The following DOCK4 variants were observed in gnomAD, a reference collection of about 807,000 sequenced individuals.
DOCK4 encodes dedicator of cytokinesis protein 4.
In DOCK4, 97 loss-of-function variants were observed where a neutral mutation model predicts 268.1. That is an observed-to-expected ratio of 0.36 (90% CI 0.31 to 0.43). DOCK4 has a LOEUF of 0.43. Ranked by LOEUF, DOCK4 falls within the 20% of genes least tolerant of loss-of-function variation. The pLI is 1.00. For synonymous variants in DOCK4, 954 were observed against 887.2 expected, an observed-to-expected ratio of 1.08 and a Z score of -1.34; for missense variants, 2,145 against 2,455.7, an observed-to-expected ratio of 0.87 and a Z score of 2.67.
intron 1 of DOCK4, among the ~76,000 whole-genome samples, chr7:112,187,566 A>G (rs2116755724): frequency 6.6e-6 from 1 of 152,272 alleles, no homozygotes; most frequent in Admixed American, 6.5e-5. Context: ...ACTATAACCA[A>G]ACCCAAAAAA....
At chr7:112,147,414 T>A (rs1303476238) in intron 1 of DOCK4, among the ~76,000 whole-genome samples, 1 of 152,218 alleles carries the variant, frequency 6.6e-6, no homozygotes, top group Non-Finnish European at 1.5e-5. Flanking sequence ...AGTGCATGTC[T>A]ACCACCTTTA....
intron 8 of DOCK4, among the ~76,000 whole-genome samples, chr7:111,974,577 G>A (rs1798021997): frequency 1.4e-5 from 2 of 145,400 alleles, no homozygotes; most frequent in African/African-American, 5.1e-5. Context: ...GGAGGAGGAA[G>A]GAAAAGGGAT....
At chr7:111,997,765 G>A (rs39774) in intron 4 of DOCK4, among the ~76,000 whole-genome samples, 58,820 of 152,030 alleles carry the variant, frequency 0.39, 11,590 homozygotes, top group East Asian at 0.43. Context: ...AAATGTTTGT[G>A]TCTAAATCCA....
intron 1 of DOCK4, among the ~76,000 whole-genome samples, chr7:112,125,082 C>T (rs545544075): frequency 6.6e-6 from 1 of 152,150 alleles, no homozygotes; most frequent in African/African-American, 2.4e-5. Flanking sequence ...AGCCTAAAAT[C>T]CCACAGCTTC....
intron 1 of DOCK4, among the ~76,000 whole-genome samples, chr7:112,031,135 C>T (rs1803236291): frequency 1.3e-5 from 2 of 152,200 alleles, no homozygotes; most frequent in Non-Finnish European, 2.9e-5. Context: ...AAGAATCAGA[C>T]ACTAGCAATC....
At chr7:111,851,213 G>A (rs975681595) in intron 23 of DOCK4, among the ~76,000 whole-genome samples, 8 of 152,150 alleles carry the variant, frequency 5.3e-5, no homozygotes, top group Non-Finnish European at 7.3e-5. Flanking sequence ...GGGAGGCTGA[G>A]ACGGGTGGAT....
At chr7:111,921,908 T>C (rs182776710) in intron 12 of DOCK4, among the ~76,000 whole-genome samples, 3 of 152,202 alleles carry the variant, frequency 2.0e-5, no homozygotes, top group Admixed American at 6.5e-5. Flanking sequence ...TTTTAATAGT[T>C]GTGCCCACTT....
At chr7:112,044,751 T>C (rs1406605518) in intron 1 of DOCK4, among the ~76,000 whole-genome samples, 1 of 152,162 alleles carries the variant, frequency 6.6e-6, no homozygotes, top group Non-Finnish European at 1.5e-5. Context: ...TTTCTCATCA[T>C]ACCTTACATC....
At chr7:112,069,848 C>T (rs902633525) in intron 1 of DOCK4, among the ~76,000 whole-genome samples, 1 of 151,918 alleles carries the variant, frequency 6.6e-6, no homozygotes, top group African/African-American at 2.4e-5. Context: ...AAGTACCAAG[C>T]TAGAAATTGT....
rs1229448243 is a variant in DOCK4 at position 111,809,415 on chromosome 7, A to G, written c.3007-14T>C. Reference sequence around the variant, plus strand: ...GGAATCCCAGATCTAAAACAAGAACAAGATATATCAATACTATGGTGTTAC... The same window carrying G: ...GGAATCCCAGATCTAAAACAAGAACGAGATATATCAATACTATGGTGTTAC... On this transcript the variant is annotated splice_polypyrimidine_tract_variant and intron_variant, in intron 28 of 52. Coordinates refer to ENST00000428084, the MANE Select transcript of DOCK4 (RefSeq NM_001363540.2). 6.5e-7 allele frequency: 1 copy of G among 1,533,938 alleles called. No individual in the cohort carries two copies. The highest frequency in any genetic ancestry group is 8.8e-7 in the Non-Finnish European group (1 of 1,130,060).
At chr7:112,161,569 CT>C (rs1165464406) in intron 1 of DOCK4, among the ~76,000 whole-genome samples, 4 of 152,120 alleles carry the variant, frequency 2.6e-5, no homozygotes, top group Non-Finnish European at 4.4e-5. Flanking sequence ...CATATTCATT[CT>C]GCATTCCAAT....
chr7:111,951,464 C>G (rs1383262216), intron 8 of DOCK4, among the ~76,000 whole-genome samples: 1 of 151,904 alleles, frequency 6.6e-6, no homozygotes. Context: ...GAGAGTCTCA[C>G]CTTTTAACCA....
intron 5 of DOCK4, among the ~76,000 whole-genome samples, chr7:111,991,701 C>T (rs1799539452): frequency 6.6e-6 from 1 of 150,838 alleles, no homozygotes; most frequent in African/African-American, 2.4e-5. Flanking sequence ...GTGGCTCATG[C>T]CTGTAATCCC....
chr7:112,018,663 C>G (rs906285115), intron 1 of DOCK4, among the ~76,000 whole-genome samples: 1 of 152,054 alleles, frequency 6.6e-6, no homozygotes, highest in Admixed American at 6.6e-5. Flanking sequence ...TTAAAAGAAA[C>G]TTGAAAAAAA....
chr7:112,130,750 A>T (rs939664935), intron 1 of DOCK4, among the ~76,000 whole-genome samples: 1 of 152,240 alleles, frequency 6.6e-6, no homozygotes, highest in African/African-American at 2.4e-5. Flanking sequence ...AAATGTACAG[A>T]GGCTGAGTAA....
chr7:111,746,359 C>G lies in DOCK4; in HGVS notation c.4652G>C (p.Arg1551Pro). The G allele has an allele frequency of 3.7e-6, 6 of 1,612,970 alleles. No homozygotes were observed. The Middle Eastern group carries it at 5.0e-4, about 133-fold the overall frequency. ...SHPEDGEKIA[R>P]LRELMLEQAQ... ...CTGCTCAAGCATCAGCTCTCTTAAT[C>G]GTGCAATTTTCTCCCCATCTTCAGG... The change falls in exon 44 of 53, where the codon CGA (arginine) becomes CCA (proline). Residue 1551 changes from arginine (R) to proline (P), a missense_variant. By Grantham distance (103) the Arg-to-Pro change is moderately radical. Around this residue, in one of 2 missense-constraint regions of DOCK4, gnomAD observed 1,598 missense variants for 1,986.7 expected, o/e 0.80. Coordinates refer to ENST00000428084, the MANE Select transcript of DOCK4 (RefSeq NM_001363540.2).
In DOCK4 at chr7:111,945,745, T is replaced by A; in HGVS notation, c.755A>T (p.Lys252Ile). 1 of 1,599,338 alleles carries A rather than the reference T, an allele frequency of 6.3e-7. No individual in the cohort carries two copies. Among genetic ancestry groups the A allele is most frequent in the Non-Finnish European group, 8.5e-7 (1 of 1,172,588 alleles). ...AAAGAGGGAGCAATGTCGTTCCGGT[T>A]TATCAGGGGCTTTGGGAAGCCCGTT... ...NRNGLPKAPDKPERHCSLFVD... is the reference protein window; with the variant it reads ...NRNGLPKAPDIPERHCSLFVD... Residue 252 changes from lysine (K) to isoleucine (I), a missense_variant, in exon 9 of 53, where the codon AAA becomes ATA. Around this residue, in one of 2 missense-constraint regions of DOCK4, gnomAD observed 1,598 missense variants for 1,986.7 expected, o/e 0.80. Transcript: ENST00000428084.
At chr7:111,774,822 C>T (rs997739009) in intron 36 of DOCK4, among the ~76,000 whole-genome samples, 3 of 152,136 alleles carry the variant, frequency 2.0e-5, no homozygotes, top group South Asian at 2.1e-4. Flanking sequence ...AGGCCCAGAC[C>T]GTAAATAATT....
At chr7:111,740,100 TTTTTTTC>T (rs1170619078) in intron 47 of DOCK4, 29 of 446,842 alleles carry the variant, frequency 6.5e-5, no homozygotes, top group Middle Eastern at 6.6e-4. Flanking sequence ...AAATCATGTC[TTTTTTTC>T]TTTTTTCTTT....
Sources: allele counts gnomAD v4.1 joint callset (sites outside exome capture counted in the v4.1 genomes callset), GRCh38; gene constraint gnomAD v4.1.1; regional missense constraint gnomAD v4.1.1; transcripts MANE v1.5; gene names NCBI Gene and HGNC (gene_info 2026-07-23, HGNC 2026-07-21).